The following IFT74 variants were observed in gnomAD, a reference collection of about 807,000 sequenced individuals.
The protein encoded by IFT74 is intraflagellar transport 74, also known as intraflagellar transport protein 74 homolog.
IFT74 carries 92 observed loss-of-function variants against 96.7 expected under a neutral mutation model. The ratio of observed to expected loss-of-function variants is 0.95; its 90% confidence interval spans 0.80 to 1.13. IFT74 has a LOEUF of 1.13. Among genes scored for constraint, IFT74 ranks in the 50% most tolerant of loss-of-function variants. The pLI is 0.00. For synonymous variants in IFT74, 223 were observed against 213.2 expected, an observed-to-expected ratio of 1.05 and a Z score of -0.40; for missense variants, 811 against 698.2, an observed-to-expected ratio of 1.16 and a Z score of -1.82.
chr9:27,022,736 G>A (rs769633881), intron 12 of IFT74, among the ~76,000 whole-genome samples: 22 of 151,118 alleles, frequency 1.5e-4, no homozygotes, highest in Non-Finnish European at 2.8e-4. Context: ...TCCGCCTCCC[G>A]GGTTCAAGCA....
At chr9:26,984,124 T>C in intron 4 of IFT74, 133 bp from the exon 5 acceptor site, 1 of 706,064 alleles carries the variant, frequency 1.4e-6, no homozygotes, top group African/African-American at 1.9e-5. Flanking sequence ...CACCTAAACT[T>C]TCTGCATTCT....
In IFT74 at chr9:27,056,369, C is replaced by CATGCCTTTA; in HGVS notation, c.1534_1535insTGCCTTTAA (p.His511_Arg512insMetProLeu). On this transcript the variant is annotated inframe_insertion, in exon 18 of 20. Coordinates refer to ENST00000380062, the MANE Select transcript of IFT74 (RefSeq NM_025103.4). Reference sequence around the variant, plus strand: ...AGGAGAGAATGATATTATCAACCCACAGAAATGCCTTTAAGAAAATAATGG... The same window carrying CATGCCTTTA: ...AGGAGAGAATGATATTATCAACCCACATGCCTTTAAGAAATGCCTTTAAGAAAATAATGG... The CATGCCTTTA allele has an allele frequency of 6.3e-7, 1 of 1,592,114 alleles. No homozygotes were observed. Among genetic ancestry groups the CATGCCTTTA allele is most frequent in the South Asian group, 1.1e-5 (1 of 88,640 alleles).
In IFT74 at chr9:27,047,257, T is replaced by C. The variant is rs768983999; in HGVS notation, c.1109-17T>C. 6 of 1,505,834 alleles carry C rather than the reference T, an allele frequency of 4.0e-6. No homozygotes were observed. The highest frequency in any genetic ancestry group is 3.4e-4 in the Middle Eastern group (2 of 5,870). 93.3% of individuals were successfully genotyped at this position (1,505,834 alleles called of 1,614,324 possible). A position where few individuals can be genotyped will look rare whatever the true frequency, so the allele number is the denominator to read the frequency against. On this transcript the variant is annotated splice_polypyrimidine_tract_variant and intron_variant, in intron 14 of 19. Coordinates refer to ENST00000380062, the MANE Select transcript of IFT74 (RefSeq NM_025103.4). ...ACTCTATCAGCAGTAATCTCTCTTATGTTTTCCAATTGTCAGCTTTTATTG... is the reference window on the plus strand; with the variant it reads ...ACTCTATCAGCAGTAATCTCTCTTACGTTTTCCAATTGTCAGCTTTTATTG...
chr9:27,023,300 A>C (rs1015660548), intron 12 of IFT74, among the ~76,000 whole-genome samples: 1 of 152,194 alleles, frequency 6.6e-6, no homozygotes, highest in Non-Finnish European at 1.5e-5. Context: ...TGGGTTTGTC[A>C]TAGATAGCTT....
At chr9:26,996,556 T>C in intron 8 of IFT74, 1 of 1,157,070 alleles carries the variant, frequency 8.6e-7, no homozygotes, top group Non-Finnish European at 1.1e-6. Context: ...TTAACAACAT[T>C]TTATAATTGT....
At chr9:26,969,135 TA>T (rs1563939802) in intron 2 of IFT74, among the ~76,000 whole-genome samples, 2 of 152,156 alleles carry the variant, frequency 1.3e-5, no homozygotes, top group Non-Finnish European at 2.9e-5. Context: ...TCAAGAGTTT[TA>T]AAAAATTTCC....
Position 26,961,954 on chromosome 9 carries a change from A to G in IFT74, c.-14A>G, listed in dbSNP as rs374887830. ...TATTTATTGTTTCCAAACAGCGATTAAAGTGAAGAAACAATGGCCAGCAAT... is the reference window on the plus strand; with the variant it reads ...TATTTATTGTTTCCAAACAGCGATTGAAGTGAAGAAACAATGGCCAGCAAT... On this transcript the variant is annotated 5_prime_UTR_variant, in exon 2 of 20. Transcript: ENST00000380062. 224 of 1,614,122 alleles carry G rather than the reference A, an allele frequency of 1.4e-4. No individual in the cohort carries two copies. In the African/African-American group the frequency reaches 2.8e-3, roughly 20 times the overall value.
rs56756518 is a variant in IFT74 at position 26,982,451 on chromosome 9, A to ATTTTTTTT, written c.306-1791_306-1784dup. ...GCCACCACACTTGGCTAATTTTTGT[A>ATTTTTTTT]TTTTTTTTTTTTTTTTTTTTTTGAG... On this transcript the variant is annotated intron_variant, in intron 4 of 19. Transcript: ENST00000380062. 2.1e-3 allele frequency: 461 copies of ATTTTTTTT among 215,318 alleles called. 1 individual carries two copies. The highest frequency in any genetic ancestry group is 3.2e-3 in the Middle Eastern group (2 of 626). 13.3% of individuals were successfully genotyped at this position (215,318 alleles called of 1,614,324 possible). A position where few individuals can be genotyped will look rare whatever the true frequency, so the allele number is the denominator to read the frequency against.
chr9:26,995,286 ATAGTAGTGCTAG>A (rs1828082555), intron 8 of IFT74: 2 of 383,274 alleles, frequency 5.2e-6, no homozygotes, highest in Admixed American at 8.2e-5. Context: ...ACTGCTAAGA[ATAGTAGTGCTAG>A]TATTGTAGAC....
chr9:27,063,037 C>T lies in IFT74; in HGVS notation c.*301C>T. 4.3e-5 allele frequency: 11 copies of T among 255,718 alleles called. 1 individual carries two copies. The South Asian group carries it at 6.9e-4, about 16-fold the overall frequency. 15.8% of individuals were successfully genotyped at this position (255,718 alleles called of 1,614,324 possible). A position where few individuals can be genotyped will look rare whatever the true frequency, so the allele number is the denominator to read the frequency against. ...AGCTGGTATAATCCATCTATGGCAA[C>T]AAATGAGATAAGCTTTTCTTGTATC... On this transcript the variant is annotated 3_prime_UTR_variant, in exon 20 of 20. Coordinates refer to ENST00000380062, the MANE Select transcript of IFT74 (RefSeq NM_025103.4).
intron 12 of IFT74, among the ~76,000 whole-genome samples, chr9:27,019,723 T>C (rs1392006132): frequency 6.6e-6 from 1 of 151,844 alleles, no homozygotes; most frequent in African/African-American, 2.4e-5. Flanking sequence ...TTATCATGAG[T>C]CATGCTCCTA....
At chr9:27,035,422 A>G (rs1325583754) in intron 13 of IFT74, among the ~76,000 whole-genome samples, 5 of 152,256 alleles carry the variant, frequency 3.3e-5, no homozygotes, top group African/African-American at 1.2e-4. Context: ...TAAACTATAC[A>G]TTGAATCTTT....
intron 1 of IFT74, among the ~76,000 whole-genome samples, chr9:26,957,488 A>C (rs1826165480): frequency 6.6e-6 from 1 of 152,224 alleles, no homozygotes. Flanking sequence ...CAAAATGGCA[A>C]GGAATTAGAA....
At chr9:26,976,539 A>T in intron 2 of IFT74, 1 of 322,538 alleles carries the variant, frequency 3.1e-6, no homozygotes, top group South Asian at 2.7e-5. Context: ...AGGTGGGCGC[A>T]TGATGGGAGA....
upstream of IFT74, chr9:26,955,805 A>G (rs892433170): frequency 1.1e-4 from 16 of 151,416 alleles, no homozygotes; most frequent in African/African-American, 3.9e-4. Context: ...TTTATTAGAG[A>G]AGTGGGATTT....
intron 6 of IFT74, among the ~76,000 whole-genome samples, chr9:26,987,743 G>A (rs973245741): frequency 3.3e-5 from 5 of 152,122 alleles, no homozygotes; most frequent in African/African-American, 1.2e-4. Flanking sequence ...ACTTCATACA[G>A]TAATTGTAAA....
intron 15 of IFT74, among the ~76,000 whole-genome samples, chr9:27,047,579 G>A (rs1396297423): frequency 5.3e-5 from 8 of 152,048 alleles, no homozygotes; most frequent in Admixed American, 5.2e-4. Flanking sequence ...TAGAGAAAAA[G>A]GATGACATGT....
chr9:26,982,411 G>C (rs568767558), intron 4 of IFT74: 11 of 424,442 alleles, frequency 2.6e-5, no homozygotes, highest in Admixed American at 1.3e-4. Context: ...CAAGTAGCTG[G>C]GATTACGGGT....
intron 8 of IFT74, among the ~76,000 whole-genome samples, chr9:26,997,403 G>A (rs916831960): frequency 3.5e-5 from 5 of 143,226 alleles, no homozygotes; most frequent in Admixed American, 2.2e-4. Context: ...GCACGATCTC[G>A]GCTCACTGTA....
Sources: gnomAD v4.1 joint callset for allele counts (sites outside exome capture counted in the v4.1 genomes callset) on GRCh38, gnomAD v4.1.1 for gene constraint, MANE v1.5 for transcripts, NCBI Gene and HGNC (gene_info 2026-07-23, HGNC 2026-07-21) for gene names.